ANO2: variants seen among roughly 807,000 people sequenced by gnomAD.
ANO2 encodes the protein anoctamin-2.
Under a neutral mutation model 124.2 loss-of-function variants are expected in ANO2, and 101 were observed. That is an observed-to-expected ratio of 0.81 (90% CI 0.69 to 0.96). The LOEUF is 0.96. Among genes scored for constraint, ANO2 ranks in the 40% least tolerant of loss-of-function variants. ANO2 has a pLI of 0.00. For synonymous variants in ANO2, 486 were observed against 482.5 expected (o/e 1.01, Z -0.09); for missense variants, 1,293 against 1,274.5 (o/e 1.01, Z -0.22).
intron 7 of ANO2, among the ~76,000 whole-genome samples, chr12:5,813,763 C>T (rs185570443): frequency 6.6e-6 from 1 of 152,296 alleles, no homozygotes; most frequent in African/African-American, 2.4e-5. Context: ...CAGTTCCCTC[C>T]CTGGGCCTCG....
intron 20 of ANO2, among the ~76,000 whole-genome samples, chr12:5,589,689 T>TGGGGCAG (rs1423955753): frequency 6.6e-6 from 1 of 151,536 alleles, no homozygotes; most frequent in Non-Finnish European, 1.5e-5. Context: ...TGAAATCCTG[T>TGGGGCAG]GGGGCAGGGG....
intron 10 of ANO2, among the ~76,000 whole-genome samples, chr12:5,786,698 G>A (rs917298320): frequency 8.5e-5 from 13 of 152,084 alleles, no homozygotes; most frequent in Admixed American, 7.2e-4. Flanking sequence ...CCACCTCCCC[G>A]GGAGTTGTCT....
intron 15 of ANO2, among the ~76,000 whole-genome samples, chr12:5,646,120 C>A (rs1203272698): frequency 2.6e-5 from 4 of 152,184 alleles, no homozygotes; most frequent in African/African-American, 9.7e-5. Context: ...CTGTTACAAT[C>A]CCCATTTGGG....
At chr12:5,833,540 G>A (rs999246350) in intron 4 of ANO2, among the ~76,000 whole-genome samples, 3 of 152,144 alleles carry the variant, frequency 2.0e-5, no homozygotes, top group Non-Finnish European at 2.9e-5. Flanking sequence ...CTTTAGAACA[G>A]GGGTCCCCAA....
intron 14 of ANO2, among the ~76,000 whole-genome samples, chr12:5,694,025 C>T (rs1591925370): frequency 6.6e-6 from 1 of 152,116 alleles, no homozygotes; most frequent in South Asian, 2.1e-4. Context: ...AGACTGCAAA[C>T]CCCTTGAGAG....
At chr12:5,823,415 T>C (rs1167323327) in intron 7 of ANO2, among the ~76,000 whole-genome samples, 6 of 152,018 alleles carry the variant, frequency 3.9e-5, no homozygotes, top group African/African-American at 1.4e-4. Context: ...ATGGGAGAAA[T>C]TGACCAAAAC....
At chr12:5,690,953 G>A (rs1413029120) in intron 14 of ANO2, among the ~76,000 whole-genome samples, 2 of 152,174 alleles carry the variant, frequency 1.3e-5, no homozygotes, top group Non-Finnish European at 2.9e-5. Context: ...CACATATAGG[G>A]AGCATATGAC....
In ANO2 at chr12:5,802,971, A is replaced by G. The variant is rs1029826381; in HGVS notation, c.990+3081T>C. Among the ~76,000 whole-genome samples the G allele has an allele frequency of 2.0e-5, 3 of 152,196 alleles. No individual in the cohort carries two copies. The South Asian group carries it at 6.2e-4, about 31-fold the overall frequency. ...GGGATCACATTTGACAGAGGTCATCAATTTAAGAATTTCACGAGACTATGA... is the reference window on the plus strand; with the variant it reads ...GGGATCACATTTGACAGAGGTCATCGATTTAAGAATTTCACGAGACTATGA... On this transcript the variant is annotated intron_variant, in intron 9 of 24. Transcript: ENST00000682330.
chr12:5,589,782 G>C (rs1203046027), intron 20 of ANO2, among the ~76,000 whole-genome samples: 2 of 152,142 alleles, frequency 1.3e-5, no homozygotes, highest in African/African-American at 2.4e-5. Flanking sequence ...GCCCAGGGCC[G>C]GGAGAGCACT....
chr12:5,852,523 T>C (rs1954942922), intron 4 of ANO2, among the ~76,000 whole-genome samples: 1 of 152,202 alleles, frequency 6.6e-6, no homozygotes, highest in Admixed American at 6.5e-5. Context: ...CCATAGACTT[T>C]ATTCTTCTCA....
intron 4 of ANO2, among the ~76,000 whole-genome samples, chr12:5,836,109 G>A (rs1401305829): frequency 3.3e-5 from 5 of 152,080 alleles, no homozygotes; most frequent in African/African-American, 9.7e-5. Context: ...ACTCCTCTCC[G>A]TCTCCACCTC....
At chr12:5,766,804 G>A (rs753964974) in intron 10 of ANO2, among the ~76,000 whole-genome samples, 2 of 152,218 alleles carry the variant, frequency 1.3e-5, no homozygotes, top group Non-Finnish European at 2.9e-5. Flanking sequence ...TTCAGGTCAA[G>A]CATATGTAAC....
Position 5,739,368 on chromosome 12 carries a change from T to C in ANO2, c.1383A>G (p.Leu461=). ...ATMFLENWKR[L]QMRLGYFWDL... ...CCCAAAAGTAGCCCAGTCGCATCTG[T>C]AGCCTCTTCCAGTTTTCCAGGAACA... Residue 461 remains leucine, a synonymous_variant, in exon 13 of 25, where the codon CTA becomes CTG. Transcript: ENST00000682330. 6.2e-7 allele frequency: 1 copy of C among 1,607,364 alleles called. No homozygotes were observed. The highest frequency in any genetic ancestry group is 8.5e-7 in the Non-Finnish European group (1 of 1,177,016).
intron 1 of ANO2, among the ~76,000 whole-genome samples, chr12:5,937,231 G>A (rs1245572014): frequency 6.6e-6 from 1 of 152,128 alleles, no homozygotes; most frequent in East Asian, 1.9e-4. Flanking sequence ...GTTATCTCCT[G>A]ACTTTTTTAT....
chr12:5,892,272 T>C (rs922834092), intron 3 of ANO2, among the ~76,000 whole-genome samples: 2 of 152,080 alleles, frequency 1.3e-5, no homozygotes, highest in Non-Finnish European at 2.9e-5. Context: ...GAACAAAATA[T>C]TGGAGACCTA....
intron 3 of ANO2, among the ~76,000 whole-genome samples, chr12:5,886,217 C>T (rs151185492): frequency 3.6e-4 from 54 of 151,390 alleles, no homozygotes; most frequent in Admixed American, 1.6e-3. Context: ...ATAGCCAAGG[C>T]AAATGGAAGC....
chr12:5,678,493 T>C (rs942060203), intron 14 of ANO2, among the ~76,000 whole-genome samples: 1 of 152,130 alleles, frequency 6.6e-6, no homozygotes, highest in Non-Finnish European at 1.5e-5. Flanking sequence ...ATGGACACAT[T>C]TGGGGCCACA....
rs1941912765 is a variant in ANO2 at position 5,923,259 on chromosome 12, C to CACACACATGCACACAT, written c.23-456_23-455insATGTGTGCATGTGTGT. On this transcript the variant is annotated intron_variant, in intron 1 of 24. Transcript: ENST00000682330. ...ATACACACACGCATACACACACATA[C>CACACACATGCACACAT]ACACACACACACACACACACGCACA... Among the ~76,000 whole-genome samples, 3 of 9,212 alleles carry CACACACATGCACACAT rather than the reference C, an allele frequency of 3.3e-4. No homozygotes were observed. The East Asian group carries it at 0.044, about 135-fold the overall frequency. The allele number at this position is 9,212 out of a possible 152,430, so 6.0% of individuals were successfully genotyped here. A position where few individuals can be genotyped will look rare whatever the true frequency, so the allele number is the denominator to read the frequency against.
chr12:5,825,683 A>AAC (rs1953932810), intron 7 of ANO2, among the ~76,000 whole-genome samples: 1 of 152,254 alleles, frequency 6.6e-6, no homozygotes, highest in Non-Finnish European at 1.5e-5. Context: ...CCAGACCATC[A>AAC]AGATGAAATC....
Sources: gnomAD v4.1 joint callset for allele counts (sites outside exome capture counted in the v4.1 genomes callset) on GRCh38, gnomAD v4.1.1 for gene constraint, MANE v1.5 for transcripts, NCBI Gene and HGNC (gene_info 2026-07-23, HGNC 2026-07-21) for gene names.